GADL1: variants seen among roughly 807,000 people sequenced by gnomAD.
GADL1 encodes acidic amino acid decarboxylase GADL1.
In GADL1, 71 loss-of-function variants were observed where a neutral mutation model predicts 69.5. The ratio of observed to expected loss-of-function variants is 1.02; its 90% CI spans 0.84 to 1.25. The LOEUF is 1.25. Ranked by LOEUF, GADL1 falls within the 50% of genes most tolerant of loss-of-function variation. GADL1 has a pLI of 0.00. For missense variants in GADL1, 737 were observed against 631.8 expected, an observed-to-expected ratio of 1.17 and a Z score of -1.79; for synonymous variants, 254 against 214.4, an observed-to-expected ratio of 1.18 and a Z score of -1.62.
In GADL1 at chr3:30,746,966, G is replaced by A. The variant is rs111974143; in HGVS notation, c.1393-18551C>T. ...CTGAGAAATCCCTCAGTGAAACAAC[G>A]CAATTTAGGCCAGGAATTTTCCACT... On this transcript the variant is annotated intron_variant, in intron 14 of 14. Coordinates refer to ENST00000282538, the MANE Select transcript of GADL1 (RefSeq NM_207359.3). Among the ~76,000 whole-genome samples the A allele has an allele frequency of 9.9e-4, 150 of 152,214 alleles. No individual in the cohort carries two copies. The Middle Eastern group carries it at 0.014, about 14-fold the overall frequency.
intron 14 of GADL1, among the ~76,000 whole-genome samples, chr3:30,729,502 A>G (rs1205429951): frequency 3.3e-5 from 5 of 152,196 alleles, no homozygotes; most frequent in African/African-American, 1.2e-4. Flanking sequence ...ATATAGAAAG[A>G]ACACCAGGCA....
intron 1 of GADL1, among the ~76,000 whole-genome samples, chr3:30,878,480 T>TA (rs1698604947): frequency 1.3e-5 from 2 of 151,944 alleles, no homozygotes; most frequent in Non-Finnish European, 1.5e-5. Context: ...TTATTTTCCT[T>TA]AAACAAACAG....
Position 30,730,984 on chromosome 3 carries a change from C to T in GADL1, c.1393-2569G>A, listed in dbSNP as rs114997273. 5.9e-3 allele frequency among the ~76,000 whole-genome samples: 900 copies of T among 152,306 alleles called. 9 individuals carry two copies. The highest frequency in any genetic ancestry group is 0.021 in the African/African-American group (859 of 41,568). ...CTGGCCACAGGGCAATGGAGAACCA[C>T]GCTTTGACTTAGGTTCATCATAAAA... On this transcript the variant is annotated intron_variant, in intron 14 of 14. Transcript: ENST00000282538.
intron 1 of GADL1, among the ~76,000 whole-genome samples, chr3:30,871,078 T>TGTGTCC (rs1294468863): frequency 6.6e-6 from 1 of 150,846 alleles, no homozygotes; most frequent in African/African-American, 2.4e-5. Flanking sequence ...TGTGTGTGTG[T>TGTGTCC]GTCCAAGAAA....
chr3:30,773,094 AATTAATT>A (rs1696453401), intron 14 of GADL1, among the ~76,000 whole-genome samples: 1 of 150,610 alleles, frequency 6.6e-6, no homozygotes, highest in African/African-American at 2.5e-5. Flanking sequence ...TTTGCAAACT[AATTAATT>A]ATTGTATAAT....
At chr3:30,838,486 T>G (rs1048020421) in intron 9 of GADL1, among the ~76,000 whole-genome samples, 10 of 152,180 alleles carry the variant, frequency 6.6e-5, no homozygotes, top group Non-Finnish European at 1.2e-4. Context: ...CCAGAGAAAA[T>G]TTGCTTTAGT....
At chr3:30,861,550 AT>A (rs1698321015) in intron 2 of GADL1, 42 bp downstream of exon 2, 5 of 1,427,518 alleles carry the variant, frequency 3.5e-6, no homozygotes, top group Admixed American at 4.3e-5. Context: ...GGGAACATCT[AT>A]CTTTCCCATT....
At chr3:30,850,188 A>G (rs1698128317) in intron 5 of GADL1, 77 bp from the exon 6 acceptor site, 2 of 776,218 alleles carry the variant, frequency 2.6e-6, no homozygotes, top group Non-Finnish European at 4.5e-6. Context: ...AGTGGAAAGC[A>G]TGAATGGCCA....
chr3:30,852,944 T>C (rs1456291712), intron 4 of GADL1, among the ~76,000 whole-genome samples: 4 of 152,150 alleles, frequency 2.6e-5, no homozygotes, highest in Non-Finnish European at 4.4e-5. Flanking sequence ...GTATCTGCTG[T>C]CATCACTCCA....
intron 14 of GADL1, among the ~76,000 whole-genome samples, chr3:30,752,087 ACTG>A (rs1449537461): frequency 1.3e-5 from 2 of 150,252 alleles, no homozygotes; most frequent in East Asian, 1.9e-4. Context: ...TCGTTAAAGT[ACTG>A]CTGTGGTTTC....
At chr3:30,770,150 C>T (rs1372590458) in intron 14 of GADL1, among the ~76,000 whole-genome samples, 1 of 152,130 alleles carries the variant, frequency 6.6e-6, no homozygotes, top group African/African-American at 2.4e-5. Context: ...CAGTCCCCAT[C>T]ACTCCCTACT....
chr3:30,850,947 T>G lies in GADL1; in HGVS notation c.429-6A>C. Reference sequence around the variant, plus strand: ...GGGACACCTCATACGTATAACTAGATAGATATAAAAAACACTTCACTTCTA... The same window carrying G: ...GGGACACCTCATACGTATAACTAGAGAGATATAAAAAACACTTCACTTCTA... On this transcript the variant is annotated splice_region_variant and splice_polypyrimidine_tract_variant and intron_variant, in intron 4 of 14. Transcript: ENST00000282538. The G allele has an allele frequency of 6.7e-7, 1 of 1,484,372 alleles. No individual in the cohort carries two copies. Among genetic ancestry groups the G allele is most frequent in the Non-Finnish European group, 9.2e-7 (1 of 1,087,210 alleles). The allele number at this position is 1,484,372 out of a possible 1,614,324, so 92.0% of individuals were successfully genotyped here. A position where few individuals can be genotyped will look rare whatever the true frequency, so the allele number is the denominator to read the frequency against.
chr3:30,807,756 C>A (rs998443049), intron 11 of GADL1, among the ~76,000 whole-genome samples: 5 of 152,186 alleles, frequency 3.3e-5, no homozygotes, highest in African/African-American at 1.2e-4. Flanking sequence ...CGGCCGGGTG[C>A]AGTAGTGGCT....
chr3:30,850,764 A>T (rs934259565), intron 5 of GADL1, 71 bp downstream of exon 5: 29 of 829,566 alleles, frequency 3.5e-5, no homozygotes, highest in Non-Finnish European at 5.4e-5. Context: ...ATCTGCAAGG[A>T]GTTGTTCCTC....
intron 1 of GADL1, among the ~76,000 whole-genome samples, chr3:30,891,347 CG>C (rs1185177399): frequency 6.6e-6 from 1 of 152,098 alleles, no homozygotes. Flanking sequence ...ACCATGAGTG[CG>C]AACCTCCCAA....
intron 14 of GADL1, among the ~76,000 whole-genome samples, chr3:30,753,864 C>CTT (rs1421134857): frequency 6.6e-6 from 1 of 152,188 alleles, no homozygotes; most frequent in Non-Finnish European, 1.5e-5. Flanking sequence ...CCTCACTCAA[C>CTT]TTTTGTTTTA....
chr3:30,795,329 G>T (rs1012910664), intron 12 of GADL1, among the ~76,000 whole-genome samples: 1 of 152,134 alleles, frequency 6.6e-6, no homozygotes, highest in Admixed American at 6.6e-5. Context: ...AAAGAGTTAC[G>T]ATTATAGCTG....
intron 4 of GADL1, among the ~76,000 whole-genome samples, chr3:30,851,502 CA>C (rs1343001047): frequency 1.3e-5 from 2 of 152,120 alleles, no homozygotes; most frequent in African/African-American, 2.4e-5. Flanking sequence ...AAGCACTACC[CA>C]AATCCCTTGT....
At chr3:30,739,540 A>G (rs1373704234) in intron 14 of GADL1, among the ~76,000 whole-genome samples, 2 of 152,170 alleles carry the variant, frequency 1.3e-5, no homozygotes, top group Non-Finnish European at 2.9e-5. Flanking sequence ...GTTGCACACC[A>G]CAGGATGTGT....
Sources: gnomAD v4.1 joint callset for allele counts (sites outside exome capture counted in the v4.1 genomes callset) on GRCh38, gnomAD v4.1.1 for gene constraint, MANE v1.5 for transcripts, NCBI Gene and HGNC (gene_info 2026-07-23, HGNC 2026-07-21) for gene names.